Variants in RAPGEF4 observed in about 807,000 individuals in gnomAD.
The protein encoded by RAPGEF4 is Rap guanine nucleotide exchange factor 4, also known as RAP guanine-nucleotide-exchange factor (GEF) 4.
Under a neutral mutation model 147.9 loss-of-function variants are expected in RAPGEF4, and 66 were observed. The observed-to-expected ratio is 0.45, with a 90% CI of 0.37 to 0.55. RAPGEF4 has a LOEUF of 0.55. RAPGEF4 is among the 20% of genes least tolerant of loss of function. The pLI is 0.00. For synonymous variants in RAPGEF4, 419 were observed against 442.7 expected, an observed-to-expected ratio of 0.95 and a Z score of 0.67; for missense variants, 1,071 against 1,257.3, an observed-to-expected ratio of 0.85 and a Z score of 2.24.
chr2:172,901,236 G>C (rs1699029360), intron 4 of RAPGEF4, among the ~76,000 whole-genome samples: 1 of 152,170 alleles, frequency 6.6e-6, no homozygotes, highest in Non-Finnish European at 1.5e-5. Context: ...CTAATTCCGA[G>C]AGCACAGACT....
intron 11 of RAPGEF4, among the ~76,000 whole-genome samples, chr2:172,984,042 A>G (rs886965615): frequency 2.0e-5 from 3 of 152,224 alleles, no homozygotes; most frequent in Non-Finnish European, 4.4e-5. Context: ...TCAAGAGAGC[A>G]TCAGCTCAGA....
At chr2:173,035,950 A>G (rs942469191) in intron 27 of RAPGEF4, among the ~76,000 whole-genome samples, 175 bp from the exon 28 acceptor site, 35 of 152,338 alleles carry the variant, frequency 2.3e-4, no homozygotes, top group Non-Finnish European at 3.1e-4. Context: ...TTACAGTGTC[A>G]GGGATGGCAG....
At chr2:172,949,191 ACTC>A (rs973934735) in intron 6 of RAPGEF4, among the ~76,000 whole-genome samples, 3 of 151,920 alleles carry the variant, frequency 2.0e-5, no homozygotes, top group Non-Finnish European at 4.4e-5. Context: ...CCAGCTAAAA[ACTC>A]CTCAGAGATT....
chr2:172,810,084 T>C (rs898476348), intron 3 of RAPGEF4, among the ~76,000 whole-genome samples: 2 of 152,220 alleles, frequency 1.3e-5, no homozygotes, highest in African/African-American at 2.4e-5. Flanking sequence ...ATTTTCCAAC[T>C]GAACCTTGGC....
chr2:172,740,435 A>G (rs1311021576), intron 1 of RAPGEF4, among the ~76,000 whole-genome samples: 1 of 152,212 alleles, frequency 6.6e-6, no homozygotes, highest in African/African-American at 2.4e-5. Flanking sequence ...ATTTTTTTTA[A>G]GTATTCGTGT....
Position 173,026,566 on chromosome 2 carries a change from T to G in RAPGEF4, c.2254-6T>G, listed in dbSNP as rs773103778. 1 of 1,612,324 alleles carries G rather than the reference T, an allele frequency of 6.2e-7. No individual in the cohort carries two copies. Among genetic ancestry groups the G allele is most frequent in the African/African-American group, 1.3e-5 (1 of 74,930 alleles). On this transcript the variant is annotated splice_polypyrimidine_tract_variant and splice_region_variant and intron_variant, in intron 23 of 30. Coordinates refer to ENST00000397081, the MANE Select transcript of RAPGEF4 (RefSeq NM_007023.4). ...TTCTGATATGTTTTTGCATTATTATTCATAGACTCCCTTACCAGAACAGGA... is the reference window on the plus strand; with the variant it reads ...TTCTGATATGTTTTTGCATTATTATGCATAGACTCCCTTACCAGAACAGGA...
intron 5 of RAPGEF4, among the ~76,000 whole-genome samples, chr2:172,920,310 T>G (rs934528659): frequency 1.3e-4 from 20 of 152,172 alleles, no homozygotes; most frequent in African/African-American, 4.8e-4. Flanking sequence ...AAATAAGGAC[T>G]TTTTCATGTG....
At chr2:172,750,573 A>G (rs1695190355) in intron 1 of RAPGEF4, among the ~76,000 whole-genome samples, 1 of 152,186 alleles carries the variant, frequency 6.6e-6, no homozygotes, top group Non-Finnish European at 1.5e-5. Flanking sequence ...TTGGGTGAGG[A>G]CACAGCCAAA....
At chr2:173,034,342 T>G (rs1683633815) in intron 27 of RAPGEF4, among the ~76,000 whole-genome samples, 1 of 152,056 alleles carries the variant, frequency 6.6e-6, no homozygotes, top group African/African-American at 2.4e-5. Context: ...CCGGGAGTGA[T>G]GGGCAGGTTT....
intron 4 of RAPGEF4, among the ~76,000 whole-genome samples, chr2:172,913,931 A>G (rs1298489891): frequency 1.3e-5 from 2 of 152,212 alleles, no homozygotes; most frequent in Non-Finnish European, 2.9e-5. Flanking sequence ...TCTTGTAGAT[A>G]GCTACACATT....
Position 172,814,261 on chromosome 2 carries a change from GTT to G in RAPGEF4, c.298-13_298-12del. 1.2e-6 allele frequency: 2 copies of G among 1,613,350 alleles called. No homozygotes were observed. Among genetic ancestry groups the G allele is most frequent in the Middle Eastern group, 3.3e-4 (2 of 6,050 alleles). On this transcript the variant is annotated splice_polypyrimidine_tract_variant and intron_variant, in intron 3 of 30. Coordinates refer to ENST00000397081, the MANE Select transcript of RAPGEF4 (RefSeq NM_007023.4). ...TAGATGTTTAATTTTCTAATGACTA[GTT>G]TTTTGGGATCCTCAGGATGCTGTGA...
rs1325853265 is a variant in RAPGEF4, at chr2:172,814,291, A to G, written c.310A>G (p.Ile104Val). ...TTGGGATCCTCAGGATGCTGTGACC[A>G]TCTGTACCCTGGGAATTGGGACGGC... ...ETSSHQDAVTICTLGIGTAFG... is the reference protein window; with the variant it reads ...ETSSHQDAVTVCTLGIGTAFG... The change falls in exon 4 of 31, where the codon ATC (isoleucine) becomes GTC (valine). Residue 104 changes from isoleucine to valine, a missense_variant. Ile to Val is a conservative substitution (Grantham distance 29, BLOSUM62 3). Transcript: ENST00000397081. 4 of 1,614,158 alleles carry G rather than the reference A, an allele frequency of 2.5e-6. No homozygotes were observed. The highest frequency in any genetic ancestry group is 3.4e-6 in the Non-Finnish European group (4 of 1,180,004).
intron 8 of RAPGEF4, among the ~76,000 whole-genome samples, chr2:172,962,060 C>T (rs558430495): frequency 1.1e-4 from 16 of 152,262 alleles, no homozygotes; most frequent in Admixed American, 2.0e-4. Context: ...GATGACTGAA[C>T]CATGGTGGGC....
At chr2:172,776,681 T>A (rs1403817238) in intron 1 of RAPGEF4, among the ~76,000 whole-genome samples, 1 of 152,160 alleles carries the variant, frequency 6.6e-6, no homozygotes, top group Non-Finnish European at 1.5e-5. Context: ...GCCTTGAGGT[T>A]CAGTTATCCT....
intron 3 of RAPGEF4, among the ~76,000 whole-genome samples, chr2:172,800,823 A>G (rs1686902887): frequency 1.3e-5 from 2 of 152,214 alleles, no homozygotes; most frequent in Non-Finnish European, 2.9e-5. Context: ...TATCTAAAAA[A>G]TATCCTTACA....
Position 172,961,148 on chromosome 2 carries a change from T to G in RAPGEF4, c.618T>G (p.Ala206=). The G allele has an allele frequency of 1.2e-6, 2 of 1,612,516 alleles. No homozygotes were observed. Among genetic ancestry groups the G allele is most frequent in the African/African-American group, 1.3e-5 (1 of 74,986 alleles). ...TCCCTTCAGAGAAGATCCTCAGAGC[T>G]GGAAAAATTTTACGAAATGCCATTC... is the stretch of plus-strand genomic sequence containing the variant. ...TKVPSEKILR[A]GKILRNAILS... is the part of the protein sequence containing the mutation. Residue 206 remains alanine, a synonymous_variant, in exon 8 of 31, where the codon GCT becomes GCG. Transcript: ENST00000397081.
chr2:172,817,569 A>C (rs1688624694), intron 4 of RAPGEF4, among the ~76,000 whole-genome samples: 1 of 152,154 alleles, frequency 6.6e-6, no homozygotes, highest in Non-Finnish European at 1.5e-5. Flanking sequence ...ACAATTATGT[A>C]TTCAGGATTC....
At chr2:173,035,578 C>T (rs1683886117) in intron 27 of RAPGEF4, among the ~76,000 whole-genome samples, 1 of 151,850 alleles carries the variant, frequency 6.6e-6, no homozygotes, top group African/African-American at 2.4e-5. Context: ...TCATGAACTC[C>T]TAGGCTCAAG....
intron 1 of RAPGEF4, among the ~76,000 whole-genome samples, chr2:172,794,513 G>A (rs148197339): frequency 9.2e-5 from 14 of 152,278 alleles, no homozygotes; most frequent in African/African-American, 1.2e-4. Flanking sequence ...GGACAGTCCC[G>A]TTTGCAGTTC....
Sources: gnomAD v4.1 joint callset for allele counts (sites outside exome capture counted in the v4.1 genomes callset) on GRCh38, gnomAD v4.1.1 for gene constraint, MANE v1.5 for transcripts, NCBI Gene and HGNC (gene_info 2026-07-23, HGNC 2026-07-21) for gene names.